The following RORA variants were observed in gnomAD, a reference collection of about 807,000 sequenced individuals.
The protein encoded by RORA is nuclear receptor ROR-alpha.
RORA carries 7 observed loss-of-function variants against 69.5 expected under a neutral mutation model. That is an observed-to-expected ratio of 0.10 (90% CI 0.06 to 0.19). The LOEUF is 0.19. RORA is among the 10% of genes least tolerant of loss of function. The pLI is 1.00. For synonymous variants in RORA, 261 were observed against 240.8 expected, an observed-to-expected ratio of 1.08 and a Z score of -0.78; for missense variants, 457 against 663.0, an observed-to-expected ratio of 0.69 and a Z score of 3.41.
chr15:60,804,032 G>C (rs1312734226), intron 1 of RORA, among the ~76,000 whole-genome samples: 1 of 152,056 alleles, frequency 6.6e-6, no homozygotes, highest in African/African-American at 2.4e-5. Context: ...GCTCATGCCT[G>C]TAATCCCAAC....
At chr15:61,037,210 T>C (rs574889385) in intron 1 of RORA, among the ~76,000 whole-genome samples, 1 of 152,352 alleles carries the variant, frequency 6.6e-6, no homozygotes, top group South Asian at 2.1e-4. Flanking sequence ...TACTTAGTAC[T>C]GTGCCAGACA....
At chr15:61,137,506 A>G (rs2079257072) in intron 1 of RORA, among the ~76,000 whole-genome samples, 1 of 152,188 alleles carries the variant, frequency 6.6e-6, no homozygotes, top group African/African-American at 2.4e-5. Flanking sequence ...CTTTCCTGGC[A>G]GCACGTGCCC....
Position 61,229,189 on chromosome 15 carries a change from G to T in RORA, c.30C>A (p.Pro10=). 3 of 1,554,094 alleles carry T rather than the reference G, an allele frequency of 1.9e-6. No homozygotes were observed. The highest frequency in any genetic ancestry group is 1.7e-6 in the Non-Finnish European group (2 of 1,152,114). MESAPAAPD[P]AASEPGSSGA... ...CGCTGCTGCCTGGCTCGCTGGCGGC[G>T]GGGTCGGGGGCTGCCGGAGCTGACT... is the stretch of plus-strand genomic sequence containing the variant. Residue 10 remains proline (P), a synonymous_variant, in exon 1 of 11, where the codon CCC becomes CCA. Transcript: ENST00000335670.
chr15:60,518,992 T>C (rs2066062529), intron 3 of RORA, among the ~76,000 whole-genome samples: 1 of 152,224 alleles, frequency 6.6e-6, no homozygotes, highest in Non-Finnish European at 1.5e-5. Flanking sequence ...CACATTCACA[T>C]AACTTTTATT....
intron 2 of RORA, among the ~76,000 whole-genome samples, chr15:60,671,194 G>C (rs1336316743): frequency 6.6e-6 from 1 of 150,780 alleles, no homozygotes; most frequent in East Asian, 1.9e-4. Context: ...CTGCTTTGTG[G>C]CAATGAAAGT....
At chr15:61,004,734 A>G (rs944241537) in intron 1 of RORA, among the ~76,000 whole-genome samples, 1 of 152,218 alleles carries the variant, frequency 6.6e-6, no homozygotes, top group Non-Finnish European at 1.5e-5. Flanking sequence ...ACTCAGCAAC[A>G]TAAGAAGAAC....
chr15:60,686,346 G>C (rs1034427200), intron 1 of RORA, among the ~76,000 whole-genome samples: 2 of 152,204 alleles, frequency 1.3e-5, no homozygotes, highest in Non-Finnish European at 2.9e-5. Context: ...ACTACGAAAA[G>C]TCCATATGTA....
chr15:61,199,060 C>T (rs1298085564), intron 1 of RORA, among the ~76,000 whole-genome samples: 3 of 152,122 alleles, frequency 2.0e-5, no homozygotes, highest in Non-Finnish European at 4.4e-5. Context: ...GCCTTCTCTG[C>T]GAAGCCTTAG....
chr15:60,660,622 A>G (rs975062212), intron 2 of RORA, among the ~76,000 whole-genome samples: 2 of 152,194 alleles, frequency 1.3e-5, no homozygotes, highest in African/African-American at 2.4e-5. Flanking sequence ...ACTTTTGGGA[A>G]GAAGGGAGGT....
intron 1 of RORA, among the ~76,000 whole-genome samples, chr15:61,158,501 T>C (rs941905891): frequency 2.0e-5 from 3 of 152,214 alleles, no homozygotes; most frequent in Admixed American, 6.5e-5. Context: ...AATGGCTACA[T>C]AGCTCATTAC....
In RORA at chr15:60,547,385, G is replaced by A. The variant is rs189136418; in HGVS notation, c.197-15534C>T. ...GTCACCCAGGCTGGAGTGCAGCGGC[G>A]TGATCTCGGCTCACTGCAACCTCCA... is the stretch of plus-strand genomic sequence containing the variant. On this transcript the variant is annotated intron_variant, in intron 2 of 10. Coordinates refer to ENST00000335670, the MANE Select transcript of RORA (RefSeq NM_134261.3). Among the ~76,000 whole-genome samples the A allele has an allele frequency of 4.6e-3, 696 of 149,988 alleles. 8 individuals carry two copies. The highest frequency in any genetic ancestry group is 6.6e-3 in the South Asian group (31 of 4,726).
chr15:60,501,832 A>G, intron 8 of RORA, among the ~76,000 whole-genome samples: 1 of 152,218 alleles, frequency 6.6e-6, no homozygotes, highest in Non-Finnish European at 1.5e-5. Context: ...TTACATATAA[A>G]TGTATATATT....
chr15:60,541,243 A>G (rs2066862407), intron 2 of RORA, among the ~76,000 whole-genome samples: 1 of 152,206 alleles, frequency 6.6e-6, no homozygotes, highest in Non-Finnish European at 1.5e-5. Context: ...GGTCATTAAC[A>G]TCTAAACAAA....
At chr15:60,994,972 C>T (rs1345710259) in intron 1 of RORA, among the ~76,000 whole-genome samples, 1 of 152,072 alleles carries the variant, frequency 6.6e-6, no homozygotes, top group African/African-American at 2.4e-5. Flanking sequence ...AGTGGTATAA[C>T]AAAGGCCTAA....
chr15:61,066,841 T>C (rs960206186), intron 1 of RORA, among the ~76,000 whole-genome samples: 6 of 134,118 alleles, frequency 4.5e-5, no homozygotes, highest in Non-Finnish European at 6.1e-5. Flanking sequence ...TTCCTTCTTC[T>C]AGATCCACAT....
chr15:60,882,212 T>C (rs1317575295), intron 1 of RORA, among the ~76,000 whole-genome samples: 1 of 152,188 alleles, frequency 6.6e-6, no homozygotes, highest in Non-Finnish European at 1.5e-5. Flanking sequence ...ATTATAGTAT[T>C]TTTCAGCCTA....
In RORA at chr15:61,131,795, A is replaced by T. The variant is rs1054253576; in HGVS notation, c.166+97258T>A. On this transcript the variant is annotated intron_variant, in intron 1 of 10. Coordinates refer to ENST00000335670, the MANE Select transcript of RORA (RefSeq NM_134261.3). This position sits in a 1 kb window ranked among gnomAD's most constrained non-coding sequence, Gnocchi z 4.2. ...GAGTAGGGCAGGAGTGAGAAAAATG[A>T]AACTGGACTCCAGTTCTGCCACCAA... Among the ~76,000 whole-genome samples the T allele has an allele frequency of 3.3e-5, 5 of 152,234 alleles. No individual in the cohort carries two copies. The highest frequency in any genetic ancestry group is 1.2e-4 in the African/African-American group (5 of 41,468).
At chr15:60,766,651 T>C (rs913312618) in intron 1 of RORA, among the ~76,000 whole-genome samples, 18 of 145,208 alleles carry the variant, frequency 1.2e-4, no homozygotes, top group African/African-American at 4.6e-4. Flanking sequence ...ATTGCCAAAC[T>C]TTGCCCTTCA....
intron 5 of RORA, among the ~76,000 whole-genome samples, chr15:60,506,406 G>T (rs780836062): frequency 6.6e-6 from 1 of 152,176 alleles, no homozygotes; most frequent in Non-Finnish European, 1.5e-5. Context: ...TTGAAGATAT[G>T]AAAGACCTAG....
Sources: allele counts gnomAD v4.1 joint callset (sites outside exome capture counted in the v4.1 genomes callset), GRCh38; gene constraint gnomAD v4.1.1; non-coding constraint Gnocchi (gnomAD v3.1); transcripts MANE v1.5; gene names NCBI Gene and HGNC (gene_info 2026-07-23, HGNC 2026-07-21).